HCN1: variants seen among roughly 807,000 people sequenced by gnomAD.
HCN1 encodes the protein hyperpolarization activated cyclic nucleotide gated potassium channel 1.
Under a neutral mutation model 78.9 loss-of-function variants are expected in HCN1, and 13 were observed. The observed-to-expected ratio is 0.16, with a 90% CI of 0.11 to 0.26. HCN1 has a LOEUF of 0.26. Among genes scored for constraint, HCN1 ranks in the 10% least tolerant of loss-of-function variants. The pLI, the probability that HCN1 is intolerant of heterozygous loss-of-function variation, is 1.00. For synonymous variants in HCN1, 552 were observed against 455.5 expected, an observed-to-expected ratio of 1.21 and a Z score of -2.70; for missense variants, 810 against 1,154.3, an observed-to-expected ratio of 0.70 and a Z score of 4.32.
At chr5:45,549,302 T>C (rs1436051132) in intron 2 of HCN1, among the ~76,000 whole-genome samples, 3 of 151,984 alleles carry the variant, frequency 2.0e-5, no homozygotes, top group African/African-American at 7.2e-5. Context: ...AACAGAGATA[T>C]AGACCAATGG....
intron 4 of HCN1, among the ~76,000 whole-genome samples, chr5:45,377,933 G>C (rs891616356): frequency 2.6e-5 from 4 of 151,832 alleles, no homozygotes; most frequent in Non-Finnish European, 5.9e-5. Flanking sequence ...TATTAAGAAA[G>C]GGGATCTCCT....
chr5:45,688,656 C>T (rs1051378933), intron 1 of HCN1, among the ~76,000 whole-genome samples: 7 of 151,994 alleles, frequency 4.6e-5, no homozygotes, highest in Non-Finnish European at 7.4e-5. Flanking sequence ...GAAATGAAAA[C>T]ATCTCTGTGC....
intron 4 of HCN1, among the ~76,000 whole-genome samples, chr5:45,355,081 T>C (rs1243768066): frequency 6.6e-6 from 1 of 152,040 alleles, no homozygotes; most frequent in Non-Finnish European, 1.5e-5. Flanking sequence ...TGAATCTAAT[T>C]GTTTTTCCTC....
At chr5:45,632,053 CTTTTAT>C (rs1488088874) in intron 2 of HCN1, among the ~76,000 whole-genome samples, 1 of 152,000 alleles carries the variant, frequency 6.6e-6, no homozygotes, top group African/African-American at 2.4e-5. Flanking sequence ...TCCTTAATTG[CTTTTAT>C]TTTTTATACA....
At chr5:45,458,395 T>C (rs1343098228) in intron 3 of HCN1, among the ~76,000 whole-genome samples, 6 of 152,106 alleles carry the variant, frequency 3.9e-5, no homozygotes, top group Non-Finnish European at 8.8e-5. Flanking sequence ...TCATAGCATG[T>C]TTGTCAAGCC....
chr5:45,366,968 A>G (rs1218035252), intron 4 of HCN1, among the ~76,000 whole-genome samples: 4 of 151,812 alleles, frequency 2.6e-5, no homozygotes, highest in South Asian at 2.1e-4. Flanking sequence ...GTCAACATCT[A>G]TGTTTCAGAT....
In HCN1 at chr5:45,256,323, A is replaced by C. The variant is rs562120390; in HGVS notation, c.*5598T>G. ...GGGAGGCTGATGTTGCAGTGGGCCA[A>C]GATCCTGCCATTGCACTCCCACCTG... On this transcript the variant is annotated 3_prime_UTR_variant, in exon 8 of 8. Coordinates refer to ENST00000303230, the MANE Select transcript of HCN1 (RefSeq NM_021072.4). 1 of 151,876 alleles carries C rather than the reference A, an allele frequency of 6.6e-6. No individual in the cohort carries two copies. Among genetic ancestry groups the C allele is most frequent in the South Asian group, 2.1e-4 (1 of 4,802 alleles). The allele number at this position is 151,876 out of a possible 1,614,324, so 9.4% of individuals were successfully genotyped here. A position where few individuals can be genotyped will look rare whatever the true frequency, so the allele number is the denominator to read the frequency against.
chr5:45,381,675 G>T (rs1747810586), intron 4 of HCN1, among the ~76,000 whole-genome samples: 1 of 151,860 alleles, frequency 6.6e-6, no homozygotes, highest in African/African-American at 2.4e-5. Context: ...AGCAAGTCCT[G>T]CCACTTCTCC....
chr5:45,453,515 C>T (rs1740964653), intron 3 of HCN1, among the ~76,000 whole-genome samples: 1 of 152,086 alleles, frequency 6.6e-6, no homozygotes, highest in African/African-American at 2.4e-5. Context: ...ATTCTGAGCT[C>T]TTCCAGCAGT....
chr5:45,300,809 G>A (rs1236403660), intron 6 of HCN1, among the ~76,000 whole-genome samples: 1 of 151,862 alleles, frequency 6.6e-6, no homozygotes. Context: ...TTAATTCTCT[G>A]CACTTTCTAA....
intron 5 of HCN1, among the ~76,000 whole-genome samples, chr5:45,327,402 T>A (rs1162114973): frequency 6.6e-6 from 1 of 151,610 alleles, no homozygotes; most frequent in Non-Finnish European, 1.5e-5. Context: ...TATTATAGAA[T>A]CCACATAAAT....
intron 2 of HCN1, among the ~76,000 whole-genome samples, chr5:45,500,306 A>G (rs1242187286): frequency 6.6e-6 from 1 of 152,216 alleles, no homozygotes; most frequent in Non-Finnish European, 1.5e-5. Flanking sequence ...TGACAGTACA[A>G]AATATCAATA....
At chr5:45,541,175 A>G (rs2074472263) in intron 2 of HCN1, among the ~76,000 whole-genome samples, 1 of 152,148 alleles carries the variant, frequency 6.6e-6, no homozygotes, top group Non-Finnish European at 1.5e-5. Context: ...AAATGTTTAT[A>G]GAAATTAATG....
intron 7 of HCN1, among the ~76,000 whole-genome samples, chr5:45,266,376 T>C (rs866314226): frequency 6.6e-6 from 1 of 152,088 alleles, no homozygotes; most frequent in Non-Finnish European, 1.5e-5. Flanking sequence ...AAATTTTCAA[T>C]TCCTAATATA....
intron 6 of HCN1, among the ~76,000 whole-genome samples, chr5:45,281,748 C>A (rs750182198): frequency 6.6e-6 from 1 of 151,322 alleles, no homozygotes. Flanking sequence ...CCACCACGCC[C>A]GGGGGCTAAT....
At chr5:45,545,479 T>C (rs912693938) in intron 2 of HCN1, among the ~76,000 whole-genome samples, 1 of 152,188 alleles carries the variant, frequency 6.6e-6, no homozygotes, top group African/African-American at 2.4e-5. Context: ...ATTTTGGCTT[T>C]TGTTGCCATT....
chr5:45,308,738 T>A (rs1036274726), intron 5 of HCN1, among the ~76,000 whole-genome samples: 1 of 152,208 alleles, frequency 6.6e-6, no homozygotes, highest in Non-Finnish European at 1.5e-5. Context: ...TCTGTTCTTG[T>A]ACCAGTACCA....
chr5:45,255,875 G>A lies in HCN1; in HGVS notation c.*6046C>T, dbSNP rs1744600512. 1 of 151,060 alleles carries A rather than the reference G, an allele frequency of 6.6e-6. No homozygotes were observed. The highest frequency in any genetic ancestry group is 2.1e-4 in the South Asian group (1 of 4,802). 9.4% of individuals were successfully genotyped at this position (151,060 alleles called of 1,614,324 possible). ...TTCTCTGTAGAAAACGATGCAACCTGTTTTTTTGCAAAATTCCGTTATTTA... is the reference window on the plus strand; with the variant it reads ...TTCTCTGTAGAAAACGATGCAACCTATTTTTTTGCAAAATTCCGTTATTTA... On this transcript the variant is annotated 3_prime_UTR_variant, in exon 8 of 8. Coordinates refer to ENST00000303230, the MANE Select transcript of HCN1 (RefSeq NM_021072.4).
At chr5:45,619,547 T>C (rs1462506337) in intron 2 of HCN1, among the ~76,000 whole-genome samples, 3 of 152,002 alleles carry the variant, frequency 2.0e-5, no homozygotes, top group Non-Finnish European at 4.4e-5. Flanking sequence ...TGTAAATGAA[T>C]GAATGAATGA....
Sources: gnomAD v4.1 joint callset for allele counts (sites outside exome capture counted in the v4.1 genomes callset) on GRCh38, gnomAD v4.1.1 for gene constraint, MANE v1.5 for transcripts, NCBI Gene and HGNC (gene_info 2026-07-23, HGNC 2026-07-21) for gene names.